The following YWHAH variants were observed in gnomAD, a reference collection of about 807,000 sequenced individuals.
The protein encoded by YWHAH is tyrosine 3-monooxygenase/tryptophan 5-monooxygenase activation protein eta.
Under a neutral mutation model 22.9 loss-of-function variants are expected in YWHAH, and 6 were observed. The observed-to-expected ratio is 0.26, with a 90% CI of 0.14 to 0.52. YWHAH has a LOEUF of 0.52. Among genes scored for constraint, YWHAH ranks in the 20% least tolerant of loss-of-function variants. The probability of loss-of-function intolerance (pLI) is 0.97; values close to 1 mark genes in which losing one functional copy is unlikely to be tolerated. For missense variants in YWHAH, 173 were observed against 308.6 expected (o/e 0.56, Z 3.29); for synonymous variants, 135 against 124.5 (o/e 1.08, Z -0.56).
At chr22:31,948,172 C>G (rs537326209) in intron 1 of YWHAH, among the ~76,000 whole-genome samples, 1 of 152,302 alleles carries the variant, frequency 6.6e-6, no homozygotes, top group East Asian at 1.9e-4. Context: ...CCCTAGAAAT[C>G]TTAAGTGCAG....
Position 31,951,054 on chromosome 22 carries a change from A to G in YWHAH, c.88-5085A>G, listed in dbSNP as rs189886217. On this transcript the variant is annotated intron_variant, in intron 1 of 1. Transcript: ENST00000248975. ...ATTACAGGTGCACGCCACCATGCCCAGCTAATTTTTGTATTTTTAGTAGAG... is the reference window on the plus strand; with the variant it reads ...ATTACAGGTGCACGCCACCATGCCCGGCTAATTTTTGTATTTTTAGTAGAG... Among the ~76,000 whole-genome samples, 381 of 152,094 alleles carry G rather than the reference A, an allele frequency of 2.5e-3. 3 individuals are homozygous for G. Among genetic ancestry groups the G allele is most frequent in the African/African-American group, 8.5e-3 (353 of 41,484 alleles).
rs11539379 is a variant in YWHAH, at chr22:31,944,712, G to T, written c.-22G>T. 1 of 1,376,118 alleles carries T rather than the reference G, an allele frequency of 7.3e-7. No individual in the cohort carries two copies. The highest frequency in any genetic ancestry group is 9.5e-7 in the Non-Finnish European group (1 of 1,055,870). The allele number at this position is 1,376,118 out of a possible 1,614,324, so 85.2% of individuals were successfully genotyped here. On this transcript the variant is annotated 5_prime_UTR_variant, in exon 1 of 2. Transcript: ENST00000248975. ...GCGAGCCAGCGGTGTGAGGCGCGAG[G>T]CGAGGCCGAGCCGCGAGCGACATGG... is the stretch of plus-strand genomic sequence containing the variant.
chr22:31,948,276 AT>A (rs1231091359), intron 1 of YWHAH, among the ~76,000 whole-genome samples: 2 of 152,186 alleles, frequency 1.3e-5, no homozygotes, highest in African/African-American at 4.8e-5. Flanking sequence ...CAACTGTGAG[AT>A]TCTGGGAAGT....
At chr22:31,947,027 G>A (rs181944643) in intron 1 of YWHAH, among the ~76,000 whole-genome samples, 2 of 152,276 alleles carry the variant, frequency 1.3e-5, no homozygotes, top group Admixed American at 6.5e-5. Context: ...ATATTGGAAG[G>A]GACTGGCAGG....
chr22:31,945,380 C>G (rs1170720352), intron 1 of YWHAH: 6 of 1,287,702 alleles, frequency 4.7e-6, no homozygotes, highest in Middle Eastern at 2.3e-4. Context: ...GACCCCTTTC[C>G]TGCAGTCTAG....
chr22:31,947,489 A>G (rs941146462), intron 1 of YWHAH: 8 of 471,332 alleles, frequency 1.7e-5, no homozygotes, highest in African/African-American at 1.6e-4. Context: ...AGTGTTGGTA[A>G]GCTTGAAGAA....
chr22:31,947,613 G>A, intron 1 of YWHAH: 1 of 404,900 alleles, frequency 2.5e-6, no homozygotes, highest in Non-Finnish European at 5.1e-6. Flanking sequence ...GAAGCATAAA[G>A]GAGTATCTTC....
In YWHAH at chr22:31,956,591, C is replaced by A. The variant is rs756725733; in HGVS notation, c.540C>A (p.Ser180=). 1.2e-6 allele frequency: 2 copies of A among 1,614,140 alleles called. No individual in the cohort carries two copies. The highest frequency in any genetic ancestry group is 1.7e-6 in the Non-Finnish European group (2 of 1,180,018). ...PIRLGLALNF[S]VFYYEIQNAP... ...GGCTGGGCCTGGCCCTCAACTTCTC[C>A]GTGTTCTACTATGAGATCCAGAATG... The change falls in exon 2 of 2, where the codon TCC becomes TCA. Residue 180 remains serine, a synonymous_variant. Coordinates refer to ENST00000248975, the MANE Select transcript of YWHAH (RefSeq NM_003405.4). This position sits in a 1 kb window ranked among gnomAD's most constrained non-coding sequence, Gnocchi z 5.1.
chr22:31,946,896 A>G (rs2067400955), intron 1 of YWHAH, among the ~76,000 whole-genome samples: 1 of 152,244 alleles, frequency 6.6e-6, no homozygotes, highest in Admixed American at 6.5e-5. Context: ...CACCCAGCGT[A>G]GAAGAGTCAA....
At chr22:31,949,993 A>T (rs2093840841) in intron 1 of YWHAH, among the ~76,000 whole-genome samples, 1 of 147,258 alleles carries the variant, frequency 6.8e-6, no homozygotes, top group Non-Finnish European at 1.5e-5. Context: ...ACAATCTGCC[A>T]TTTATGGGTT....
intron 1 of YWHAH, among the ~76,000 whole-genome samples, chr22:31,954,577 T>C (rs2093847210): frequency 6.6e-6 from 1 of 152,174 alleles, no homozygotes; most frequent in Non-Finnish European, 1.5e-5. Flanking sequence ...TTCTGGACGC[T>C]AGAAGTTTGA....
chr22:31,944,952 C>G, intron 1 of YWHAH, 132 bp downstream of exon 1: 2 of 1,117,508 alleles, frequency 1.8e-6, no homozygotes, highest in Non-Finnish European at 2.2e-6. Flanking sequence ...GCCGCCCGCC[C>G]GCCCTTAGCC....
Position 31,956,327 on chromosome 22 carries a change from G to A in YWHAH, c.276G>A (p.Glu92=), listed in dbSNP as rs753554467. 2 of 1,614,060 alleles carry A rather than the reference G, an allele frequency of 1.2e-6. No individual in the cohort carries two copies. The highest frequency in any genetic ancestry group is 1.7e-6 in the Non-Finnish European group (2 of 1,180,050). ...VKAYREKIEK[E]LETVCNDVLS... ...CTTACCGGGAGAAGATTGAGAAGGA[G>A]CTGGAGACAGTTTGCAATGATGTCC... The change falls in exon 2 of 2, where the codon GAG becomes GAA. Residue 92 remains glutamate, a synonymous_variant. Coordinates refer to ENST00000248975, the MANE Select transcript of YWHAH (RefSeq NM_003405.4). The surrounding 1 kb of genome is among the most constrained non-coding windows in gnomAD (Gnocchi z 5.1).
At chr22:31,955,439 C>CTTT (rs60830862) in intron 1 of YWHAH, among the ~76,000 whole-genome samples, 24 of 126,738 alleles carry the variant, frequency 1.9e-4, no homozygotes, top group East Asian at 2.5e-4. Flanking sequence ...TTCAGAGTAT[C>CTTT]TTTTTTTTTT....
At chr22:31,947,693 G>C (rs146656950) in intron 1 of YWHAH, among the ~76,000 whole-genome samples, 55 of 152,312 alleles carry the variant, frequency 3.6e-4, no homozygotes, top group Non-Finnish European at 6.5e-4. Flanking sequence ...AAAGATTCTA[G>C]AACCTAAGTC....
intron 1 of YWHAH, among the ~76,000 whole-genome samples, chr22:31,948,022 C>T (rs529572846): frequency 2.0e-5 from 3 of 152,136 alleles, no homozygotes; most frequent in South Asian, 2.1e-4. Flanking sequence ...TGACAGAAAA[C>T]GGGCAGAAAC....
intron 1 of YWHAH, among the ~76,000 whole-genome samples, chr22:31,951,283 G>A (rs1011154238): frequency 1.3e-5 from 2 of 152,106 alleles, no homozygotes; most frequent in Admixed American, 1.3e-4. Context: ...AAGGTTTTAT[G>A]ATGTGGTTAT....
intron 1 of YWHAH, 133 bp downstream of exon 1, chr22:31,944,953 G>A: frequency 9.1e-7 from 1 of 1,096,876 alleles, no homozygotes; most frequent in Non-Finnish European, 1.1e-6. Context: ...CCGCCCGCCC[G>A]CCCTTAGCCC....
chr22:31,956,934 G>C lies in YWHAH; in HGVS notation c.*142G>C. On this transcript the variant is annotated 3_prime_UTR_variant, in exon 2 of 2. Coordinates refer to ENST00000248975, the MANE Select transcript of YWHAH (RefSeq NM_003405.4). The surrounding 1 kb of genome is among the most constrained non-coding windows in gnomAD (Gnocchi z 5.1). ...ACTCAGATCTGCACTCCTGTCTCTT[G>C]GGAAGCAGTTTCAGATAAATCATGG... 9.0e-7 allele frequency: 1 copy of C among 1,107,364 alleles called. No individual in the cohort carries two copies. Among genetic ancestry groups the C allele is most frequent in the East Asian group, 2.6e-5 (1 of 38,334 alleles). The allele number at this position is 1,107,364 out of a possible 1,614,324, so 68.6% of individuals were successfully genotyped here.
Sources: allele counts gnomAD v4.1 joint callset (sites outside exome capture counted in the v4.1 genomes callset), GRCh38; gene constraint gnomAD v4.1.1; non-coding constraint Gnocchi (gnomAD v3.1); transcripts MANE v1.5; gene names NCBI Gene and HGNC (gene_info 2026-07-23, HGNC 2026-07-21).